Variants in CLOCK observed in about 807,000 individuals in gnomAD.
CLOCK encodes clock circadian regulator.
Under a neutral mutation model 118.4 loss-of-function variants are expected in CLOCK, and 43 were observed. The observed-to-expected ratio is 0.36, with a 90% CI of 0.28 to 0.47. The LOEUF (loss-of-function observed/expected upper bound fraction) is 0.47. Among genes scored for constraint, CLOCK ranks in the 20% least tolerant of loss-of-function variants. CLOCK has a pLI of 1.00. For synonymous variants in CLOCK, 326 were observed against 339.2 expected (o/e 0.96, Z 0.43); for missense variants, 846 against 999.9 (o/e 0.85, Z 2.08).
intron 1 of CLOCK, among the ~76,000 whole-genome samples, chr4:55,531,939 A>G (rs187536329): frequency 2.8e-4 from 42 of 152,012 alleles, no homozygotes; most frequent in Admixed American, 1.8e-3. Context: ...AACCCCAGCA[A>G]ACCAAATTCA....
chr4:55,486,412 T>C (rs529889900), intron 3 of CLOCK: 93 of 152,348 alleles, frequency 6.1e-4, no homozygotes, highest in African/African-American at 2.1e-3. Flanking sequence ...AGCTGTCTTC[T>C]TGTGATCATT....
chr4:55,463,015 T>A (rs1451066209), intron 9 of CLOCK, among the ~76,000 whole-genome samples: 1 of 152,204 alleles, frequency 6.6e-6, no homozygotes, highest in Non-Finnish European at 1.5e-5. Context: ...TGGTGAAATG[T>A]ACTGCTGTAA....
intron 1 of CLOCK, among the ~76,000 whole-genome samples, chr4:55,540,228 A>C (rs1174814169): frequency 6.6e-6 from 1 of 151,856 alleles, no homozygotes; most frequent in African/African-American, 2.4e-5. Context: ...GGCTGGTCTC[A>C]AACTCCTGAC....
chr4:55,494,302 G>A (rs888223023), intron 2 of CLOCK, among the ~76,000 whole-genome samples: 3 of 152,126 alleles, frequency 2.0e-5, no homozygotes, highest in African/African-American at 4.8e-5. Flanking sequence ...AACAGCCTCC[G>A]AAGAATGTCC....
chr4:55,504,159 G>A (rs1395696827), intron 2 of CLOCK, among the ~76,000 whole-genome samples: 1 of 150,488 alleles, frequency 6.6e-6, no homozygotes, highest in Non-Finnish European at 1.5e-5. Flanking sequence ...GGTGGCAGGC[G>A]CCTATAGTCC....
intron 8 of CLOCK, among the ~76,000 whole-genome samples, chr4:55,466,983 A>C (rs1042165205): frequency 2.6e-5 from 4 of 152,238 alleles, no homozygotes; most frequent in Non-Finnish European, 4.4e-5. Context: ...TGGATGACAC[A>C]AACAATTTTT....
At chr4:55,536,802 A>G (rs1392826329) in intron 1 of CLOCK, among the ~76,000 whole-genome samples, 1 of 151,946 alleles carries the variant, frequency 6.6e-6, no homozygotes, top group Non-Finnish European at 1.5e-5. Flanking sequence ...AAAATGTACC[A>G]TTACCTGGTA....
chr4:55,436,576 A>G (rs11937487), intron 22 of CLOCK, among the ~76,000 whole-genome samples: 51,377 of 152,090 alleles, frequency 0.34, 9,378 homozygotes, highest in East Asian at 0.58. Flanking sequence ...GTGGTGGGCA[A>G]TTTTTGCAAA....
At chr4:55,510,384 T>C (rs964959014) in intron 1 of CLOCK, among the ~76,000 whole-genome samples, 4 of 152,286 alleles carry the variant, frequency 2.6e-5, no homozygotes, top group Admixed American at 1.3e-4. Flanking sequence ...CCCAGCACTT[T>C]GGGAGGCCGA....
At position 55,449,595 on chromosome 4, in the gene CLOCK, A is replaced by G. The variant is rs1262394825; in HGVS notation, c.1349-99T>C. 2.8e-6 allele frequency: 3 copies of G among 1,060,148 alleles called. No individual in the cohort carries two copies. The East Asian group carries it at 7.8e-5, about 27-fold the overall frequency. The allele number at this position is 1,060,148 out of a possible 1,614,324, so 65.7% of individuals were successfully genotyped here. A position where few individuals can be genotyped will look rare whatever the true frequency, so the allele number is the denominator to read the frequency against. ...TTTCAGTTAATAAAAATGGCTTTTG[A>G]ATTATTTTTCCAAACCATTCAATGA... On this transcript the variant is annotated intron_variant, in intron 16 of 22. Coordinates refer to ENST00000513440, the MANE Select transcript of CLOCK (RefSeq NM_004898.4).
chr4:55,498,841 G>A (rs1184423909), intron 2 of CLOCK, among the ~76,000 whole-genome samples: 2 of 152,234 alleles, frequency 1.3e-5, no homozygotes, highest in Admixed American at 1.3e-4. Flanking sequence ...AGGTTTCACA[G>A]AATCCAACAT....
intron 13 of CLOCK, 36 bp downstream of exon 13, chr4:55,455,859 AAC>A: frequency 7.5e-7 from 1 of 1,340,602 alleles, no homozygotes; most frequent in Non-Finnish European, 1.1e-6. Context: ...CTGCTTATAA[AAC>A]AGTTATTATC....
rs149748529 is a variant in CLOCK at position 55,492,532 on chromosome 4, C to T, written c.-135-3067G>A. 2.8e-4 allele frequency among the ~76,000 whole-genome samples: 43 copies of T among 152,134 alleles called. 1 individual carries two copies. In the East Asian group the frequency reaches 5.8e-3, roughly 20 times the overall value. On this transcript the variant is annotated intron_variant, in intron 2 of 22. Coordinates refer to ENST00000513440, the MANE Select transcript of CLOCK (RefSeq NM_004898.4). ...AAAGATGCATCTAAACTTTTATATTCATTGAGATATTATTAAAAATAATAA... is the reference window on the plus strand; with the variant it reads ...AAAGATGCATCTAAACTTTTATATTTATTGAGATATTATTAAAAATAATAA...
intron 4 of CLOCK, among the ~76,000 whole-genome samples, chr4:55,481,210 T>C (rs1293317719): frequency 6.6e-6 from 1 of 152,152 alleles, no homozygotes; most frequent in Admixed American, 6.5e-5. Flanking sequence ...TGAGATCACC[T>C]GTAACACTCA....
At chr4:55,490,864 A>T (rs776812954) in intron 2 of CLOCK, among the ~76,000 whole-genome samples, 1 of 152,186 alleles carries the variant, frequency 6.6e-6, no homozygotes, top group Non-Finnish European at 1.5e-5. Context: ...TACACAAAAC[A>T]TTCCACCCAA....
At chr4:55,441,658 C>T (rs1723377767) in intron 21 of CLOCK, among the ~76,000 whole-genome samples, 1 of 152,158 alleles carries the variant, frequency 6.6e-6, no homozygotes, top group Admixed American at 6.5e-5. Flanking sequence ...TATATTCTCA[C>T]TTGTAAGTGG....
At chr4:55,450,663 G>A (rs891822972) in intron 15 of CLOCK, among the ~76,000 whole-genome samples, 10 of 152,062 alleles carry the variant, frequency 6.6e-5, no homozygotes, top group African/African-American at 1.9e-4. Flanking sequence ...CAGCTACTCC[G>A]GCGGCTGAGG....
At chr4:55,490,325 T>C (rs531952606) in intron 2 of CLOCK, among the ~76,000 whole-genome samples, 1 of 150,650 alleles carries the variant, frequency 6.6e-6, no homozygotes, top group African/African-American at 2.4e-5. Context: ...CAATTATAAA[T>C]ATATATATAT....
chr4:55,537,258 G>GA (rs1730964310), intron 1 of CLOCK, among the ~76,000 whole-genome samples: 1 of 152,136 alleles, frequency 6.6e-6, no homozygotes, highest in Non-Finnish European at 1.5e-5. Context: ...AAGGAAAGAG[G>GA]ATTGCTTGAA....
Sources: allele counts gnomAD v4.1 joint callset (sites outside exome capture counted in the v4.1 genomes callset), GRCh38; gene constraint gnomAD v4.1.1; transcripts MANE v1.5; gene names NCBI Gene and HGNC (gene_info 2026-07-23, HGNC 2026-07-21).